Variants in TM7SF3 observed in about 807,000 individuals in gnomAD.
The protein encoded by TM7SF3 is seven span transmembrane protein.
A neutral mutation model predicts 65.5 loss-of-function variants in TM7SF3; 60 were observed. The ratio of observed to expected loss-of-function variants is 0.92; its 90% confidence interval spans 0.74 to 1.14. The LOEUF (loss-of-function observed/expected upper bound fraction) is 1.14, where lower values mean the gene tolerates loss of function less well. Ranked by LOEUF, TM7SF3 falls within the 50% of genes most tolerant of loss-of-function variation. The pLI is 0.00. For synonymous variants in TM7SF3, 264 were observed against 259.6 expected, an observed-to-expected ratio of 1.02 and a Z score of -0.16; for missense variants, 623 against 684.8, an observed-to-expected ratio of 0.91 and a Z score of 1.01.
chr12:26,988,113 A>G (rs1466921299), intron 6 of TM7SF3, among the ~76,000 whole-genome samples: 2 of 152,162 alleles, frequency 1.3e-5, no homozygotes, highest in Non-Finnish European at 2.9e-5. Context: ...AAAGAGACAC[A>G]TCGGTTAAAT....
chr12:27,009,246 T>A (rs1439967408), intron 1 of TM7SF3, among the ~76,000 whole-genome samples: 1 of 152,230 alleles, frequency 6.6e-6, no homozygotes, highest in East Asian at 1.9e-4. Flanking sequence ...CATTTCCATA[T>A]AAGTTTTAGA....
intron 5 of TM7SF3, among the ~76,000 whole-genome samples, chr12:26,993,035 A>G (rs1326807385): frequency 6.6e-6 from 1 of 150,598 alleles, no homozygotes; most frequent in Non-Finnish European, 1.5e-5. Flanking sequence ...CCTCCTCAAT[A>G]TCTGGGACTA....
intron 2 of TM7SF3, among the ~76,000 whole-genome samples, chr12:27,001,973 C>G (rs1196885513): frequency 1.3e-5 from 2 of 152,062 alleles, no homozygotes; most frequent in African/African-American, 2.4e-5. Context: ...ACTATTTATT[C>G]CTTTCCTTTT....
chr12:26,981,501 T>G (rs1939815114), intron 7 of TM7SF3, among the ~76,000 whole-genome samples: 1 of 151,692 alleles, frequency 6.6e-6, no homozygotes, highest in Non-Finnish European at 1.5e-5. Context: ...ACAGTGAGAC[T>G]CCATCTCTTT....
At chr12:27,010,125 C>T in intron 1 of TM7SF3, among the ~76,000 whole-genome samples, 1 of 152,138 alleles carries the variant, frequency 6.6e-6, no homozygotes, top group Non-Finnish European at 1.5e-5. Flanking sequence ...GCTTCAGTTC[C>T]CTCAAAGTAA....
At position 26,982,969 on chromosome 12, in the gene TM7SF3, C is replaced by T. The variant is rs74404575; in HGVS notation, c.869-110G>A. 5.5e-3 allele frequency: 3,961 copies of T among 714,522 alleles called. 53 individuals carry two copies. The highest frequency in any genetic ancestry group is 0.03 in the East Asian group (1,065 of 35,236). 44.3% of individuals were successfully genotyped at this position (714,522 alleles called of 1,614,324 possible). Reference sequence around the variant, plus strand: ...AGCTAAGTGAACTGACATAATTTATCCCATACATGTATATTACAAATTTAT... The same window carrying T: ...AGCTAAGTGAACTGACATAATTTATTCCATACATGTATATTACAAATTTAT... On this transcript the variant is annotated intron_variant, in intron 6 of 11. Coordinates refer to ENST00000343028, the MANE Select transcript of TM7SF3 (RefSeq NM_016551.3).
chr12:27,006,140 C>CTTTT (rs71437315), intron 1 of TM7SF3, among the ~76,000 whole-genome samples: 2 of 122,080 alleles, frequency 1.6e-5, no homozygotes, highest in Admixed American at 8.6e-5. Flanking sequence ...TTTTCTTTTT[C>CTTTT]TTTTTTTTTT....
At chr12:27,007,185 T>A (rs1055606873) in intron 1 of TM7SF3, among the ~76,000 whole-genome samples, 15 of 152,346 alleles carry the variant, frequency 9.8e-5, no homozygotes, top group Admixed American at 9.8e-4. Context: ...ATTTCAGGAA[T>A]AATTACAACT....
chr12:26,990,561 T>G lies in TM7SF3; in HGVS notation c.757A>C (p.Ile253Leu). ...SFSSLPGQGV[I>L]YNVIVWDPFL... Reference sequence around the variant, plus strand: ...GGGTCCCAAACAATGACATTGTATATGACACCTTGTCCCGGGAGGGAGGAG... The same window carrying G: ...GGGTCCCAAACAATGACATTGTATAGGACACCTTGTCCCGGGAGGGAGGAG... Residue 253 changes from isoleucine to leucine, a missense_variant, in exon 6 of 12, where the codon ATA (isoleucine) becomes CTA (leucine). Ile to Leu is a conservative substitution (Grantham distance 5). Transcript: ENST00000343028. The G allele has an allele frequency of 6.2e-7, 1 of 1,614,064 alleles. No homozygotes were observed. Among genetic ancestry groups the G allele is most frequent in the South Asian group, 1.1e-5 (1 of 91,082 alleles).
At chr12:26,977,792 A>G (rs28451094) in intron 9 of TM7SF3, among the ~76,000 whole-genome samples, 5 of 126,702 alleles carry the variant, frequency 3.9e-5, no homozygotes, top group South Asian at 2.6e-4. Flanking sequence ...GTGTGTGTGT[A>G]TGTGTGTGTG....
intron 8 of TM7SF3, 94 bp from the exon 9 acceptor site, chr12:26,980,030 G>C: frequency 3.4e-6 from 5 of 1,463,134 alleles, no homozygotes; most frequent in Non-Finnish European, 4.7e-6. Context: ...GCCAGCTTCA[G>C]CTTTCTGTAG....
At chr12:26,974,423 G>A (rs933357466) in intron 11 of TM7SF3, among the ~76,000 whole-genome samples, 196 bp from the exon 12 acceptor site, 5 of 152,064 alleles carry the variant, frequency 3.3e-5, no homozygotes, top group Admixed American at 2.6e-4. Flanking sequence ...TTTGAAACTA[G>A]GAATTTTCTA....
chr12:26,990,161 C>T (rs564231020), intron 6 of TM7SF3, among the ~76,000 whole-genome samples: 2 of 152,312 alleles, frequency 1.3e-5, no homozygotes, highest in Admixed American at 1.3e-4. Context: ...CTCTTACTGG[C>T]ATGTGTTATC....
intron 11 of TM7SF3, 120 bp downstream of exon 11, chr12:26,975,376 T>C: frequency 1.0e-6 from 1 of 952,444 alleles, no homozygotes. Flanking sequence ...GTATGCTGTG[T>C]TCCCTCCTTT....
At chr12:26,977,452 A>C (rs896981291) in intron 9 of TM7SF3, among the ~76,000 whole-genome samples, 1 of 152,250 alleles carries the variant, frequency 6.6e-6, no homozygotes, top group Non-Finnish European at 1.5e-5. Context: ...CTAATGCTTA[A>C]AAATATGGGT....
intron 1 of TM7SF3, among the ~76,000 whole-genome samples, chr12:27,006,310 TG>T (rs1421055947): frequency 6.6e-6 from 1 of 151,830 alleles, no homozygotes; most frequent in Admixed American, 6.6e-5. Context: ...GCTAATTTTT[TG>T]TATTTTTAGT....
At chr12:26,990,854 T>C (rs1298865867) in intron 5 of TM7SF3, among the ~76,000 whole-genome samples, 2 of 152,196 alleles carry the variant, frequency 1.3e-5, no homozygotes, top group Non-Finnish European at 2.9e-5. Context: ...TTTTTAATAG[T>C]TTAAGGAAAA....
chr12:26,977,254 T>C (rs1939606365), intron 9 of TM7SF3, among the ~76,000 whole-genome samples: 1 of 152,226 alleles, frequency 6.6e-6, no homozygotes, highest in Non-Finnish European at 1.5e-5. Context: ...TTAACTATAT[T>C]AACCTTCACA....
intron 5 of TM7SF3, among the ~76,000 whole-genome samples, chr12:26,994,598 C>T (rs1051568130): frequency 1.1e-4 from 16 of 152,174 alleles, no homozygotes; most frequent in African/African-American, 3.6e-4. Flanking sequence ...CCACCCGCCT[C>T]GGCCTCCCAA....
Sources: allele counts gnomAD v4.1 joint callset (sites outside exome capture counted in the v4.1 genomes callset), GRCh38; gene constraint gnomAD v4.1.1; transcripts MANE v1.5; gene names NCBI Gene and HGNC (gene_info 2026-07-23, HGNC 2026-07-21).